RNGTT: variants seen among roughly 807,000 people sequenced by gnomAD.
RNGTT encodes the protein RNA guanylyltransferase and 5'-phosphatase.
In RNGTT, 33 loss-of-function variants were observed where a neutral mutation model predicts 79.3. That is an observed-to-expected ratio of 0.42 (90% confidence interval 0.32 to 0.56). The LOEUF is 0.56. RNGTT is among the 20% of genes least tolerant of loss of function. RNGTT has a pLI of 0.17. For missense variants in RNGTT, 497 were observed against 739.1 expected, an observed-to-expected ratio of 0.67 and a Z score of 3.80; for synonymous variants, 222 against 235.9, an observed-to-expected ratio of 0.94 and a Z score of 0.54.
intron 8 of RNGTT, among the ~76,000 whole-genome samples, chr6:88,854,951 C>A (rs550111200): frequency 4.4e-4 from 67 of 152,168 alleles, no homozygotes; most frequent in African/African-American, 1.5e-3. Flanking sequence ...ATCCAAGAAC[C>A]AAAGTCTTCA....
intron 13 of RNGTT, among the ~76,000 whole-genome samples, chr6:88,741,385 A>C (rs1777487416): frequency 6.6e-6 from 1 of 152,128 alleles, no homozygotes; most frequent in Non-Finnish European, 1.5e-5. Flanking sequence ...GGAGCTAAAC[A>C]CTGGGTACTC....
rs1044275016 is a variant in RNGTT at position 88,747,336 on chromosome 6, C to T, written c.1439+22438G>A. Among the ~76,000 whole-genome samples, 6 of 152,302 alleles carry T rather than the reference C, an allele frequency of 3.9e-5. No individual in the cohort carries two copies. In the East Asian group the frequency reaches 1.2e-3, roughly 29 times the overall value. On this transcript the variant is annotated intron_variant, in intron 13 of 15. Coordinates refer to ENST00000369485, the MANE Select transcript of RNGTT (RefSeq NM_003800.5). ...CCTTTTTCCCAAACCACTCATCCCA[C>T]ATTCTTCCCTATGGAATTAATCATG...
intron 13 of RNGTT, among the ~76,000 whole-genome samples, chr6:88,725,813 C>G (rs1171432386): frequency 6.6e-6 from 1 of 152,078 alleles, no homozygotes; most frequent in Admixed American, 6.5e-5. Context: ...AGTCCCTCCC[C>G]TAGGGGAAGG....
rs184331153 is a variant in RNGTT, at chr6:88,756,766, A to G, written c.1439+13008T>C. Among the ~76,000 whole-genome samples the G allele has an allele frequency of 3.5e-3, 538 of 152,284 alleles. 1 individual carries two copies. Among genetic ancestry groups the G allele is most frequent in the Middle Eastern group, 0.02 (6 of 294 alleles). ...CCAGGTTTTAACAAGACAGCATCAA[A>G]TCAGGAAAACTCAAAAAACATGGCT... On this transcript the variant is annotated intron_variant, in intron 13 of 15. Transcript: ENST00000369485.
intron 14 of RNGTT, among the ~76,000 whole-genome samples, chr6:88,634,145 A>G (rs1480464501): frequency 6.6e-6 from 1 of 152,208 alleles, no homozygotes; most frequent in Non-Finnish European, 1.5e-5. Context: ...CAAATTTTAA[A>G]TAAGAAATGC....
At chr6:88,695,180 C>G (rs1442085053) in intron 13 of RNGTT, among the ~76,000 whole-genome samples, 2 of 152,036 alleles carry the variant, frequency 1.3e-5, no homozygotes, top group Non-Finnish European at 2.9e-5. Flanking sequence ...TTACATCAAA[C>G]TAAAAACCTT....
chr6:88,799,568 T>C (rs1450491024), intron 12 of RNGTT, among the ~76,000 whole-genome samples: 1 of 151,744 alleles, frequency 6.6e-6, no homozygotes, highest in African/African-American at 2.4e-5. Flanking sequence ...GGCATGGTGG[T>C]GCGCACCTGC....
intron 13 of RNGTT, among the ~76,000 whole-genome samples, chr6:88,713,383 T>C (rs956494876): frequency 1.3e-5 from 2 of 151,884 alleles, no homozygotes; most frequent in African/African-American, 4.8e-5. Flanking sequence ...GGTATTCTTA[T>C]TATAGCAGCC....
intron 11 of RNGTT, among the ~76,000 whole-genome samples, chr6:88,807,873 G>A (rs895776044): frequency 4.6e-5 from 7 of 152,128 alleles, no homozygotes; most frequent in Non-Finnish European, 1.0e-4. Flanking sequence ...CTGAAATTAC[G>A]CCAGCCATGA....
intron 13 of RNGTT, among the ~76,000 whole-genome samples, chr6:88,681,610 G>C (rs1345443939): frequency 6.6e-6 from 1 of 152,070 alleles, no homozygotes; most frequent in Non-Finnish European, 1.5e-5. Context: ...TGTAATTATA[G>C]TCAAGTAATA....
intron 11 of RNGTT, among the ~76,000 whole-genome samples, chr6:88,817,860 T>G (rs554127060): frequency 6.8e-6 from 1 of 147,642 alleles, no homozygotes; most frequent in African/African-American, 2.5e-5. Context: ...CCCGGGTTCA[T>G]GCCATTCTCC....
intron 14 of RNGTT, among the ~76,000 whole-genome samples, chr6:88,645,183 A>G (rs1021358230): frequency 6.6e-6 from 1 of 152,204 alleles, no homozygotes; most frequent in Non-Finnish European, 1.5e-5. Flanking sequence ...AACGTGCAAA[A>G]ATCACAAGCA....
chr6:88,633,787 T>C (rs1052332636), intron 14 of RNGTT, among the ~76,000 whole-genome samples: 2 of 152,106 alleles, frequency 1.3e-5, no homozygotes, highest in Non-Finnish European at 2.9e-5. Flanking sequence ...CAACTGCACG[T>C]TTTTGTTTTT....
intron 12 of RNGTT, among the ~76,000 whole-genome samples, chr6:88,789,037 G>T (rs777589299): frequency 6.6e-6 from 1 of 152,130 alleles, no homozygotes; most frequent in Non-Finnish European, 1.5e-5. Flanking sequence ...CTCCTAAGCT[G>T]GTTTTTGGGA....
chr6:88,918,742 A>G (rs1332459469), intron 4 of RNGTT, among the ~76,000 whole-genome samples: 1 of 152,238 alleles, frequency 6.6e-6, no homozygotes, highest in Non-Finnish European at 1.5e-5. Flanking sequence ...AAAGATGTGC[A>G]CTATAAACAC....
At chr6:88,732,921 T>C (rs1260000238) in intron 13 of RNGTT, among the ~76,000 whole-genome samples, 2 of 152,222 alleles carry the variant, frequency 1.3e-5, no homozygotes, top group African/African-American at 4.8e-5. Flanking sequence ...TACTGAATTG[T>C]ACACTTAAAA....
intron 6 of RNGTT, among the ~76,000 whole-genome samples, chr6:88,892,336 A>T (rs2127935373): frequency 6.6e-6 from 1 of 152,224 alleles, no homozygotes; most frequent in Middle Eastern, 3.4e-3. Flanking sequence ...ACAGAATTTG[A>T]ACAGGCCTAC....
At chr6:88,794,036 T>C (rs1335914590) in intron 12 of RNGTT, among the ~76,000 whole-genome samples, 1 of 152,216 alleles carries the variant, frequency 6.6e-6, no homozygotes, top group Non-Finnish European at 1.5e-5. Flanking sequence ...CTGATTTATA[T>C]CATTTGCACT....
chr6:88,776,644 C>T (rs1778895730), intron 12 of RNGTT, among the ~76,000 whole-genome samples: 2 of 145,096 alleles, frequency 1.4e-5, no homozygotes, highest in South Asian at 4.4e-4. Flanking sequence ...CACCTGTTGA[C>T]CACTTTCATG....
Sources: gnomAD v4.1 joint callset for allele counts (sites outside exome capture counted in the v4.1 genomes callset) on GRCh38, gnomAD v4.1.1 for gene constraint, MANE v1.5 for transcripts, NCBI Gene and HGNC (gene_info 2026-07-23, HGNC 2026-07-21) for gene names.